Variants in OR2L13 observed in about 807,000 individuals in gnomAD.
OR2L13 encodes olfactory receptor 2L13.
OR2L13 carries 14 observed loss-of-function variants against 15.3 expected under a neutral mutation model. That is an observed-to-expected ratio of 0.91 (90% CI 0.60 to 1.43). OR2L13 has a LOEUF of 1.43. OR2L13 is among the 40% of genes most tolerant of loss of function. OR2L13 has a pLI of 0.00. For missense variants in OR2L13, 367 were observed against 387.9 expected, an observed-to-expected ratio of 0.95 and a Z score of 0.45; for synonymous variants, 152 against 142.9, an observed-to-expected ratio of 1.06 and a Z score of -0.45.
the OR2L13 span, chr1:248,022,354 G>T: frequency 1.2e-6 from 2 of 1,614,152 alleles, no homozygotes; most frequent in Non-Finnish European, 1.7e-6. Context: ...ATCCGTATGA[G>T]CAAAAGAATG....
the OR2L13 span, chr1:248,083,917 G>T: frequency 6.2e-7 from 1 of 1,611,584 alleles, no homozygotes; most frequent in South Asian, 1.1e-5. Context: ...TCTGTAGAGC[G>T]CATGTGCAGA....
chr1:247,981,890 A>C, the OR2L13 span, among the ~76,000 whole-genome samples: 3 of 149,998 alleles, frequency 2.0e-5, no homozygotes, highest in Admixed American at 1.3e-4. Context: ...ATCTCAGCTC[A>C]CAGCAAGCTC....
the OR2L13 span, among the ~76,000 whole-genome samples, chr1:247,973,834 T>G: frequency 6.6e-6 from 1 of 151,962 alleles, no homozygotes; most frequent in Non-Finnish European, 1.5e-5. Flanking sequence ...CTAATGGGAG[T>G]GTAAATTAGT....
At chr1:248,079,644 A>G in the OR2L13 span, among the ~76,000 whole-genome samples, 1 of 152,212 alleles carries the variant, frequency 6.6e-6, no homozygotes, top group East Asian at 1.9e-4. Flanking sequence ...CAGTCTATTA[A>G]TTGCCCCACA....
the OR2L13 span, among the ~76,000 whole-genome samples, chr1:247,999,928 A>T: frequency 6.6e-6 from 1 of 152,108 alleles, no homozygotes; most frequent in Non-Finnish European, 1.5e-5. Flanking sequence ...AGTTTCAAAG[A>T]TTCAGAACTT....
chr1:247,948,688 T>A, the OR2L13 span, among the ~76,000 whole-genome samples: 4 of 152,232 alleles, frequency 2.6e-5, no homozygotes, highest in African/African-American at 9.6e-5. Flanking sequence ...AATTAAACTT[T>A]ATCAGAAGTA....
At chr1:248,037,112 G>A in the OR2L13 span, among the ~76,000 whole-genome samples, 4 of 152,258 alleles carry the variant, frequency 2.6e-5, no homozygotes, top group South Asian at 2.1e-4. Flanking sequence ...ACATTTGATG[G>A]TGGTGGACAT....
chr1:247,977,875 CTGTCTAG>C, the OR2L13 span, among the ~76,000 whole-genome samples: 1 of 152,192 alleles, frequency 6.6e-6, no homozygotes, highest in Non-Finnish European at 1.5e-5. Context: ...CTTCATCTCG[CTGTCTAG>C]TGACTCCATC....
At chr1:248,087,963 A>G in the OR2L13 span, among the ~76,000 whole-genome samples, 1 of 152,212 alleles carries the variant, frequency 6.6e-6, no homozygotes, top group African/African-American at 2.4e-5. Context: ...AAATAATAAT[A>G]GATTTTATTT....
chr1:247,966,566 ATT>A, the OR2L13 span, among the ~76,000 whole-genome samples: 1 of 152,214 alleles, frequency 6.6e-6, no homozygotes, highest in East Asian at 1.9e-4. Context: ...CTACTTAAAC[ATT>A]TAACCTCAAG....
the OR2L13 span, among the ~76,000 whole-genome samples, chr1:248,049,920 G>C: frequency 7.2e-5 from 11 of 152,054 alleles, no homozygotes; most frequent in Admixed American, 2.0e-4. Flanking sequence ...ATGTATATAT[G>C]CATATATGTA....
At chr1:248,050,754 A>G in the OR2L13 span, among the ~76,000 whole-genome samples, 1 of 152,190 alleles carries the variant, frequency 6.6e-6, no homozygotes, top group East Asian at 1.9e-4. Context: ...CTACTTACCA[A>G]TAATTATACT....
At chr1:247,948,865 AT>A in the OR2L13 span, 1 of 1,603,008 alleles carries the variant, frequency 6.2e-7, no homozygotes, top group East Asian at 2.2e-5. Context: ...TCCATGGAAA[AT>A]TACAATCAAA....
the OR2L13 span, among the ~76,000 whole-genome samples, chr1:248,081,402 C>T: frequency 3.9e-5 from 6 of 152,046 alleles, no homozygotes; most frequent in South Asian, 2.1e-4. Flanking sequence ...TTGTTGTCGT[C>T]GTTGCTGTAG....
the OR2L13 span, chr1:248,022,385 A>G: frequency 1.2e-6 from 2 of 1,614,140 alleles, no homozygotes; most frequent in Non-Finnish European, 8.5e-7. Context: ...TGATAACAGG[A>G]TCTTGGATGA....
the OR2L13 span, among the ~76,000 whole-genome samples, chr1:247,996,134 C>A: frequency 6.6e-6 from 1 of 152,302 alleles, no homozygotes; most frequent in African/African-American, 2.4e-5. Context: ...AACTCTTTCT[C>A]TTCTCAACTT....
the OR2L13 span, among the ~76,000 whole-genome samples, chr1:248,076,319 T>A: frequency 0.041 from 6,227 of 152,286 alleles, 422 homozygotes; most frequent in African/African-American, 0.14. Context: ...AGGATTGTCT[T>A]GGCAATGTGG....
At chr1:248,047,087 G>C in the OR2L13 span, among the ~76,000 whole-genome samples, 1 of 152,144 alleles carries the variant, frequency 6.6e-6, no homozygotes, top group East Asian at 1.9e-4. Flanking sequence ...TCATAAATGT[G>C]TTTTCTGGAC....
the OR2L13 span, among the ~76,000 whole-genome samples, chr1:248,018,740 T>C: frequency 4.6e-5 from 7 of 152,212 alleles, no homozygotes; most frequent in Non-Finnish European, 4.4e-5. Context: ...ATCACCACCA[T>C]GCATCTCCAG....
Sources: gnomAD v4.1 joint callset for allele counts (sites outside exome capture counted in the v4.1 genomes callset) on GRCh38, gnomAD v4.1.1 for gene constraint, MANE v1.5 for transcripts, NCBI Gene and HGNC (gene_info 2026-07-23, HGNC 2026-07-21) for gene names.